The following C4orf50 variants were observed in gnomAD, a reference collection of about 807,000 sequenced individuals.
The protein encoded by C4orf50 is chromosome 4 open reading frame 50.
In C4orf50, 80 loss-of-function variants were observed where a neutral mutation model predicts 77.2. The observed-to-expected ratio is 1.04, with a 90% CI of 0.87 to 1.25. The LOEUF is 1.25. Ranked by LOEUF, C4orf50 falls within the 50% of genes most tolerant of loss-of-function variation. The pLI, the probability that C4orf50 is intolerant of heterozygous loss-of-function variation, is 0.00. For missense variants in C4orf50, 1,257 were observed against 1,152.9 expected (o/e 1.09, Z -1.31); for synonymous variants, 532 against 465.3 (o/e 1.14, Z -1.84).
chr4:5,979,049 A>G (rs1364587990), intron 29 of C4orf50, among the ~76,000 whole-genome samples: 1 of 152,236 alleles, frequency 6.6e-6, no homozygotes, highest in Non-Finnish European at 1.5e-5. Flanking sequence ...TAAAGTTGCT[A>G]ACATTCAGGA....
intron 25 of C4orf50, among the ~76,000 whole-genome samples, chr4:6,003,588 ATGT>A (rs1430987399): frequency 2.4e-5 from 3 of 123,930 alleles, no homozygotes; most frequent in African/African-American, 6.4e-5. Flanking sequence ...TGTGATGGTG[ATGT>A]TGATGGTGGT....
chr4:5,899,712 A>C (rs1716264496), intron 7 of C4orf50: 1 of 152,226 alleles, frequency 6.6e-6, no homozygotes, highest in African/African-American at 2.4e-5. Context: ...AGACTATGTG[A>C]CTGTATTCCC....
At chr4:5,972,912 G>A (rs550715635) in intron 31 of C4orf50, among the ~76,000 whole-genome samples, 3 of 152,350 alleles carry the variant, frequency 2.0e-5, no homozygotes, top group South Asian at 4.1e-4. Context: ...TTGTCCCTGT[G>A]TGCACTGCCT....
Position 5,908,579 on chromosome 4 carries a change from G to A in C4orf50, c.*2475-10391C>T, listed in dbSNP as rs1330259696. On this transcript the variant is annotated intron_variant, in intron 7 of 7. Coordinates refer to the C4orf50 transcript ENST00000324058. The surrounding 1 kb of genome is among the most constrained non-coding windows in gnomAD (Gnocchi z 5.6). ...AGACGACCATGCGATGGGGAGGGGG[G>A]AAAGCCCTGGGGTATCAGAAAATGA... Among the ~76,000 whole-genome samples, 1 of 152,076 alleles carries A rather than the reference G, an allele frequency of 6.6e-6. No homozygotes were observed. The highest frequency in any genetic ancestry group is 2.4e-5 in the African/African-American group (1 of 41,422).
chr4:6,000,108 A>T lies in C4orf50; in HGVS notation c.964-5632T>A, dbSNP rs1043317247. ...TTTGACAGTCACCACTGTTGTCCAG[A>T]GCAAGGTGCTGAAGACCTGCGTGTG... On this transcript the variant is annotated intron_variant, in intron 25 of 33. Transcript: ENST00000531445. This position sits in a 1 kb window ranked among gnomAD's most constrained non-coding sequence, Gnocchi z 6.0. Among the ~76,000 whole-genome samples, 108 of 152,238 alleles carry T rather than the reference A, an allele frequency of 7.1e-4. No homozygotes were observed. The highest frequency in any genetic ancestry group is 2.6e-3 in the African/African-American group (107 of 41,546).
chr4:6,012,866 C>T (rs768453875), intron 23 of C4orf50, among the ~76,000 whole-genome samples: 5 of 152,234 alleles, frequency 3.3e-5, no homozygotes, highest in Non-Finnish European at 5.9e-5. Flanking sequence ...TCAGTCTTGC[C>T]TGTATAATAG....
In C4orf50 at chr4:6,011,154, T is replaced by A. The variant is rs1467449937; in HGVS notation, c.426+676A>T. 6.6e-6 allele frequency among the ~76,000 whole-genome samples: 1 copy of A among 152,080 alleles called. No individual in the cohort carries two copies. The highest frequency in any genetic ancestry group is 2.4e-5 in the African/African-American group (1 of 41,406). On this transcript the variant is annotated intron_variant, in intron 24 of 33. Coordinates refer to ENST00000531445, the Ensembl canonical transcript of C4orf50. This position sits in a 1 kb window ranked among gnomAD's most constrained non-coding sequence, Gnocchi z 4.2. ...CTCTCCCATGCAGGGAGAATGGCAT[T>A]CCCCAAATGACCATCTGACCCTGAG...
chr4:5,998,965 C>G (rs905740778), intron 25 of C4orf50, among the ~76,000 whole-genome samples: 1 of 152,214 alleles, frequency 6.6e-6, no homozygotes, highest in East Asian at 1.9e-4. Flanking sequence ...TTGCAGTGGT[C>G]CGTTCCTCTG....
At chr4:5,990,966 G>A in intron 27 of C4orf50, 142 bp from the exon 6 acceptor site, 1 of 397,680 alleles carries the variant, frequency 2.5e-6, no homozygotes. Flanking sequence ...GGACACAGCT[G>A]GTACCGCCCC....
chr4:5,995,338 C>T lies in C4orf50; in HGVS notation c.964-862G>A, dbSNP rs530414004. Among the ~76,000 whole-genome samples, 19 of 152,288 alleles carry T rather than the reference C, an allele frequency of 1.2e-4. No homozygotes were observed. In the South Asian group the frequency reaches 3.7e-3, roughly 30 times the overall value. ...GTCAATAAGCTCCAAATGCGACTGC[C>T]CGGTACCTTGGCAGCGCCCTGTCCC... On this transcript the variant is annotated intron_variant, in intron 25 of 33. Transcript: ENST00000531445.
chr4:5,932,268 T>C lies in C4orf50; in HGVS notation c.*2474+24633A>G, dbSNP rs1281780655. Among the ~76,000 whole-genome samples the C allele has an allele frequency of 1.3e-5, 2 of 152,156 alleles. No individual in the cohort carries two copies. Among genetic ancestry groups the C allele is most frequent in the Admixed American group, 1.3e-4 (2 of 15,278 alleles). ...ATTTCTACTCTGGCACACTCTTTCC[T>C]TGGCCCATTTATGGAGCACGCACAT... On this transcript the variant is annotated intron_variant, in intron 7 of 7. Coordinates refer to the C4orf50 transcript ENST00000324058. The surrounding 1 kb of genome is among the most constrained non-coding windows in gnomAD (Gnocchi z 4.2).
intron 7 of C4orf50, among the ~76,000 whole-genome samples, chr4:5,911,033 G>A (rs568040455): frequency 6.7e-6 from 1 of 149,106 alleles, no homozygotes; most frequent in Non-Finnish European, 1.5e-5. Flanking sequence ...AGCCTCCCAA[G>A]TAGCTGGGAC....
chr4:5,965,656 C>T (rs1469904686), intron 32 of C4orf50, among the ~76,000 whole-genome samples: 1 of 152,138 alleles, frequency 6.6e-6, no homozygotes, highest in Admixed American at 6.5e-5. Context: ...CTGTGCCTCT[C>T]CAACTGTGAG....
Position 6,018,536 on chromosome 4 carries a change from A to C in C4orf50, c.-105T>G. 2.5e-6 allele frequency: 1 copy of C among 397,840 alleles called. No individual in the cohort carries two copies. Among genetic ancestry groups the C allele is most frequent in the East Asian group, 3.6e-5 (1 of 28,072 alleles). The allele number at this position is 397,840 out of a possible 1,614,324, so 24.6% of individuals were successfully genotyped here. The stretch of plus-strand genomic sequence containing the variant: ...TGGTGTTTGTGACTTCAGATTGTTC[A>C]GGAAAATATCCTTTGAGAAGGGCAA... On this transcript the variant is annotated 5_prime_UTR_variant, in exon 23 of 34. Coordinates refer to ENST00000531445, the Ensembl canonical transcript of C4orf50. This position sits in a 1 kb window ranked among gnomAD's most constrained non-coding sequence, Gnocchi z 5.1.
chr4:5,962,118 G>C (rs965765816), intron 33 of C4orf50, among the ~76,000 whole-genome samples: 2 of 152,132 alleles, frequency 1.3e-5, no homozygotes, highest in Non-Finnish European at 2.9e-5. Flanking sequence ...CAGGTGCCGT[G>C]TACCTTCCAG....
intron 25 of C4orf50, among the ~76,000 whole-genome samples, chr4:5,998,038 T>C (rs1721672992): frequency 1.3e-5 from 2 of 152,202 alleles, no homozygotes; most frequent in Non-Finnish European, 2.9e-5. Flanking sequence ...CCAATCACTT[T>C]TTGGATATAT....
chr4:6,007,896 G>C lies in C4orf50; in HGVS notation c.963+100C>G, dbSNP rs138222557. 391 of 398,602 alleles carry C rather than the reference G, an allele frequency of 9.8e-4. 2 individuals carry two copies. The highest frequency in any genetic ancestry group is 6.9e-3 in the African/African-American group (337 of 48,730). 24.7% of individuals were successfully genotyped at this position (398,602 alleles called of 1,614,324 possible). ...TGGCAGGGTTAAACGGCTGTAGGAA[G>C]AGGAGCCCGGGGAATGGATGGGCCA... On this transcript the variant is annotated intron_variant, in intron 25 of 33. Coordinates refer to ENST00000531445, the Ensembl canonical transcript of C4orf50. This position sits in a 1 kb window ranked among gnomAD's most constrained non-coding sequence, Gnocchi z 4.1.
chr4:5,963,657 C>A (rs6845281), intron 33 of C4orf50, among the ~76,000 whole-genome samples: 1 of 152,054 alleles, frequency 6.6e-6, no homozygotes, highest in Non-Finnish European at 1.5e-5. Flanking sequence ...AGAAAAATTA[C>A]AATCAGCTGA....
At position 5,932,301 on chromosome 4, in the gene C4orf50, G is replaced by A. The variant is rs925322040; in HGVS notation, c.*2474+24600C>T. On this transcript the variant is annotated intron_variant, in intron 7 of 7. Coordinates refer to the C4orf50 transcript ENST00000324058. The surrounding 1 kb of genome is among the most constrained non-coding windows in gnomAD (Gnocchi z 4.2). ...TTTATGGAGCACGCACATGAGTAGC[G>A]AGGCTGGGCTCCGTAAAGAATCCAG... Among the ~76,000 whole-genome samples the A allele has an allele frequency of 9.2e-5, 14 of 152,264 alleles. No individual in the cohort carries two copies. The highest frequency in any genetic ancestry group is 1.9e-4 in the African/African-American group (8 of 41,564).
Sources: allele counts gnomAD v4.1 joint callset (sites outside exome capture counted in the v4.1 genomes callset), GRCh38; gene constraint gnomAD v4.1.1; non-coding constraint Gnocchi (gnomAD v3.1); transcripts MANE v1.5; gene names NCBI Gene and HGNC (gene_info 2026-07-23, HGNC 2026-07-21).